The following MPP7 variants were observed in gnomAD, a reference collection of about 807,000 sequenced individuals.
MPP7 encodes the protein MAGUK p55 scaffold protein 7.
A neutral mutation model predicts 76.5 loss-of-function variants in MPP7; 60 were observed. The observed-to-expected ratio is 0.78, with a 90% confidence interval of 0.64 to 0.97. The LOEUF (loss-of-function observed/expected upper bound fraction) is 0.97. Among genes scored for constraint, MPP7 ranks in the 50% least tolerant of loss-of-function variants. MPP7 has a pLI of 0.00. For missense variants in MPP7, 641 were observed against 694.0 expected, an observed-to-expected ratio of 0.92 and a Z score of 0.86; for synonymous variants, 237 against 244.5, an observed-to-expected ratio of 0.97 and a Z score of 0.29.
In MPP7 at chr10:28,235,670, A is replaced by ATAAC. The variant is rs1564722900; in HGVS notation, c.37+2894_37+2897dup. On this transcript the variant is annotated intron_variant, in intron 2 of 16. Coordinates refer to ENST00000683449, the MANE Select transcript of MPP7 (RefSeq NM_001318170.2). ...AAATGTGTAAAAACAAATCTTTAAG[A>ATAAC]TAACTATTAAAAATCTTAGAGAATA... 3.3e-5 allele frequency among the ~76,000 whole-genome samples: 5 copies of ATAAC among 152,348 alleles called. No homozygotes were observed. The South Asian group carries it at 1.0e-3, about 32-fold the overall frequency.
intron 2 of MPP7, among the ~76,000 whole-genome samples, chr10:28,217,930 T>C (rs1359123439): frequency 6.6e-6 from 1 of 152,166 alleles, no homozygotes; most frequent in Non-Finnish European, 1.5e-5. Flanking sequence ...CTTACCCAAA[T>C]GCTTGTGGTT....
intron 5 of MPP7, among the ~76,000 whole-genome samples, chr10:28,146,984 T>A (rs1419478136): frequency 6.6e-6 from 1 of 152,160 alleles, no homozygotes; most frequent in Non-Finnish European, 1.5e-5. Flanking sequence ...GCCAATATTT[T>A]ATGGGTATTT....
At chr10:28,070,606 C>T (rs187136431) in intron 12 of MPP7, among the ~76,000 whole-genome samples, 35 of 152,338 alleles carry the variant, frequency 2.3e-4, no homozygotes, top group African/African-American at 8.2e-4. Context: ...CAATCAGCCA[C>T]ATTTACATGT....
At chr10:28,225,426 GGTAA>G (rs1196901819) in intron 2 of MPP7, among the ~76,000 whole-genome samples, 1 of 152,084 alleles carries the variant, frequency 6.6e-6, no homozygotes, top group South Asian at 2.1e-4. Context: ...TCATAAATGT[GGTAA>G]GTGTTTAATA....
chr10:28,252,994 G>C (rs1287151373), intron 1 of MPP7, among the ~76,000 whole-genome samples: 2 of 151,878 alleles, frequency 1.3e-5, no homozygotes, highest in Non-Finnish European at 2.9e-5. Flanking sequence ...TGCAACTTCT[G>C]CCTCCCTGGT....
chr10:28,253,707 T>C (rs1213854803), intron 1 of MPP7, among the ~76,000 whole-genome samples: 1 of 151,984 alleles, frequency 6.6e-6, no homozygotes, highest in African/African-American at 2.4e-5. Flanking sequence ...TAAAAAGACA[T>C]ACTTTTGGCC....
intron 6 of MPP7, among the ~76,000 whole-genome samples, chr10:28,126,190 C>G (rs1835012358): frequency 6.6e-6 from 1 of 152,176 alleles, no homozygotes; most frequent in Non-Finnish European, 1.5e-5. Context: ...CGGCATTTTT[C>G]ATCACCTGTG....
chr10:28,119,070 GA>G (rs1267354937), intron 11 of MPP7: 53 of 984,694 alleles, frequency 5.4e-5, no homozygotes, highest in East Asian at 1.1e-4. Flanking sequence ...GGCTGAAAGA[GA>G]AAAAAAAGTA....
At chr10:28,166,845 T>C (rs927753185) in intron 3 of MPP7, among the ~76,000 whole-genome samples, 2 of 152,232 alleles carry the variant, frequency 1.3e-5, no homozygotes, top group African/African-American at 4.8e-5. Context: ...CACTTGCTTT[T>C]TTCCCCCTTC....
intron 2 of MPP7, among the ~76,000 whole-genome samples, chr10:28,326,514 TA>T (rs1834417322): frequency 3.9e-5 from 6 of 152,144 alleles, no homozygotes; most frequent in Admixed American, 3.3e-4. Flanking sequence ...GGCTCAATTT[TA>T]AAAAGAAAAA....
chr10:28,069,701 A>T (rs567408867), intron 13 of MPP7, 71 bp downstream of exon 13: 99 of 1,280,164 alleles, frequency 7.7e-5, no homozygotes, highest in South Asian at 3.4e-4. Context: ...AAAATTTTTT[A>T]AAATAATTTT....
chr10:28,328,490 A>G (rs1148185), intron 2 of MPP7, among the ~76,000 whole-genome samples: 39,041 of 151,656 alleles, frequency 0.26, 6,860 homozygotes, highest in African/African-American at 0.5. Flanking sequence ...TTTTCTCTCC[A>G]GGTGTCAAGA....
chr10:28,213,021 C>A (rs1322129652), intron 2 of MPP7, among the ~76,000 whole-genome samples: 2 of 152,082 alleles, frequency 1.3e-5, no homozygotes, highest in Admixed American at 6.5e-5. Flanking sequence ...CTCAGTGCAG[C>A]CTTGACCTCC....
intron 1 of MPP7, among the ~76,000 whole-genome samples, chr10:28,271,238 A>C (rs1345111386): frequency 6.6e-6 from 1 of 152,228 alleles, no homozygotes; most frequent in African/African-American, 2.4e-5. Flanking sequence ...TTTCATTTAA[A>C]GTCAGACAAC....
At chr10:28,218,235 C>CG (rs1446859151) in intron 2 of MPP7, among the ~76,000 whole-genome samples, 2 of 151,942 alleles carry the variant, frequency 1.3e-5, no homozygotes, top group South Asian at 2.1e-4. Context: ...GGAAAGGAGT[C>CG]GGGGGTAGGG....
chr10:28,276,517 C>T (rs1840501932), intron 1 of MPP7, among the ~76,000 whole-genome samples: 1 of 152,000 alleles, frequency 6.6e-6, no homozygotes, highest in Non-Finnish European at 1.5e-5. Flanking sequence ...GATGAAATTA[C>T]ATAAAGACAA....
chr10:28,222,606 C>T (rs1229805493), intron 2 of MPP7, among the ~76,000 whole-genome samples: 1 of 152,088 alleles, frequency 6.6e-6, no homozygotes, highest in East Asian at 1.9e-4. Context: ...GTAATCCCAG[C>T]ACTTCAAGAG....
intron 2 of MPP7, among the ~76,000 whole-genome samples, chr10:28,316,210 G>A (rs528355531): frequency 6.6e-6 from 1 of 151,922 alleles, no homozygotes; most frequent in Non-Finnish European, 1.5e-5. Context: ...GACGAGGCAG[G>A]TAGATCACTT....
intron 1 of MPP7, among the ~76,000 whole-genome samples, chr10:28,268,924 A>G (rs112081882): frequency 7.2e-6 from 1 of 138,884 alleles, no homozygotes; most frequent in African/African-American, 2.7e-5. Context: ...GTCTCAAAAA[A>G]AAACAAAGAA....
Sources: allele counts gnomAD v4.1 joint callset (sites outside exome capture counted in the v4.1 genomes callset), GRCh38; gene constraint gnomAD v4.1.1; transcripts MANE v1.5; gene names NCBI Gene and HGNC (gene_info 2026-07-23, HGNC 2026-07-21).